Variants in DMXL1 observed in about 807,000 individuals in gnomAD.
The protein encoded by DMXL1 is Dmx like 1.
Under a neutral mutation model 319.2 loss-of-function variants are expected in DMXL1, and 99 were observed. The ratio of observed to expected loss-of-function variants is 0.31; its 90% CI spans 0.26 to 0.37. DMXL1 has a LOEUF of 0.37. Ranked by LOEUF, DMXL1 falls within the 10% of genes least tolerant of loss-of-function variation. DMXL1 has a pLI of 1.00. For missense variants in DMXL1, 3,745 were observed against 3,595.6 expected, an observed-to-expected ratio of 1.04 and a Z score of -1.06; for synonymous variants, 1,385 against 1,235.2, an observed-to-expected ratio of 1.12 and a Z score of -2.54.
At chr5:119,125,095 G>A (rs763317714) in intron 9 of DMXL1, among the ~76,000 whole-genome samples, 12 of 152,086 alleles carry the variant, frequency 7.9e-5, no homozygotes, top group Non-Finnish European at 1.2e-4. Context: ...ATCTGTTACT[G>A]TTAATAATAG....
intron 17 of DMXL1, among the ~76,000 whole-genome samples, chr5:119,147,789 A>T (rs188267615): frequency 6.6e-6 from 1 of 152,306 alleles, no homozygotes; most frequent in Admixed American, 6.5e-5. Context: ...GGTATTGGCA[A>T]TAGCTGCCTG....
chr5:119,129,315 A>G lies in DMXL1; in HGVS notation c.1207A>G (p.Thr403Ala). ...HWLNNKELHF[T>A]LSMEVFLQQL... ...GCTAAACAATAAAGAACTGCATTTTACTTTGTCCATGGAAGTTTTTTTACA... is the reference window on the plus strand; with the variant it reads ...GCTAAACAATAAAGAACTGCATTTTGCTTTGTCCATGGAAGTTTTTTTACA... The change falls in exon 10 of 44, where the codon ACT becomes GCT. Residue 403 changes from threonine (T) to alanine (A), a missense_variant. Thr to Ala is a moderately conservative substitution (Grantham distance 58). Transcript: ENST00000539542. 1 of 1,613,794 alleles carries G rather than the reference A, an allele frequency of 6.2e-7. No homozygotes were observed. Among genetic ancestry groups the G allele is most frequent in the Non-Finnish European group, 8.5e-7 (1 of 1,179,828 alleles).
chr5:119,208,205 C>G (rs141497525), intron 34 of DMXL1, among the ~76,000 whole-genome samples: 1 of 149,734 alleles, frequency 6.7e-6, no homozygotes, highest in African/African-American at 2.5e-5. Context: ...TACACATTAT[C>G]AGGAATTTTT....
At chr5:119,082,038 C>T (rs1284332209) in intron 1 of DMXL1, among the ~76,000 whole-genome samples, 11 of 148,014 alleles carry the variant, frequency 7.4e-5, no homozygotes, top group East Asian at 5.9e-4. Flanking sequence ...CACACACACA[C>T]ACACACACAC....
At chr5:119,120,151 G>A (rs1485568187) in intron 8 of DMXL1, among the ~76,000 whole-genome samples, 1 of 152,164 alleles carries the variant, frequency 6.6e-6, no homozygotes, top group Non-Finnish European at 1.5e-5. Context: ...TGACTGCCTT[G>A]GCCTCCCAAA....
chr5:119,084,443 G>C (rs1752890096), intron 1 of DMXL1, among the ~76,000 whole-genome samples: 1 of 152,114 alleles, frequency 6.6e-6, no homozygotes, highest in South Asian at 2.1e-4. Context: ...CGTTCTTTTT[G>C]CTTAAAATTG....
At chr5:119,167,143 T>C (rs1250929062) in intron 22 of DMXL1, among the ~76,000 whole-genome samples, 1 of 152,112 alleles carries the variant, frequency 6.6e-6, no homozygotes, top group African/African-American at 2.4e-5. Context: ...TGATTATTTC[T>C]TAGTAAACCT....
At chr5:119,116,466 A>C in intron 7 of DMXL1, 130 bp downstream of exon 7, 1 of 1,004,416 alleles carries the variant, frequency 1.0e-6, no homozygotes, top group Non-Finnish European at 1.5e-6. Context: ...GTAATATTAA[A>C]TCGTCTCTGG....
intron 1 of DMXL1, among the ~76,000 whole-genome samples, chr5:119,081,394 G>A (rs1311948781): frequency 6.6e-6 from 1 of 152,202 alleles, no homozygotes; most frequent in Non-Finnish European, 1.5e-5. Context: ...GATGCCATAT[G>A]TGTGCGAGGC....
intron 41 of DMXL1, among the ~76,000 whole-genome samples, chr5:119,239,774 G>A (rs538454285): frequency 2.2e-4 from 33 of 150,750 alleles, no homozygotes; most frequent in Non-Finnish European, 2.8e-4. Context: ...TGGGCAACAT[G>A]GTGAAACCCT....
rs144186037 is a variant in DMXL1, at chr5:119,139,463, C to T, written c.2377-4378C>T. On this transcript the variant is annotated intron_variant, in intron 13 of 43. Transcript: ENST00000539542. ...AAGTAAATGGAAATCAGAAAGAAGC[C>T]GGGTTGCCATCCTGATTTCAGACAA... Among the ~76,000 whole-genome samples, 1,045 of 152,106 alleles carry T rather than the reference C, an allele frequency of 6.9e-3. 6 individuals are homozygous for T. The highest frequency in any genetic ancestry group is 0.016 in the Admixed American group (251 of 15,276).
At chr5:119,182,611 A>G (rs1021956199) in intron 28 of DMXL1, among the ~76,000 whole-genome samples, 3 of 151,386 alleles carry the variant, frequency 2.0e-5, no homozygotes, top group African/African-American at 7.4e-5. Flanking sequence ...TAGTAACATA[A>G]TATTTAAAGA....
At chr5:119,187,557 G>A (rs1399010741) in intron 28 of DMXL1, among the ~76,000 whole-genome samples, 1 of 152,168 alleles carries the variant, frequency 6.6e-6, no homozygotes, top group Non-Finnish European at 1.5e-5. Context: ...TTACTGGGTG[G>A]CATCGCTAAG....
At chr5:119,164,471 T>C in intron 19 of DMXL1, 36 bp from the exon 20 acceptor site, 1 of 1,568,590 alleles carries the variant, frequency 6.4e-7, no homozygotes. Context: ...AGCATATTTA[T>C]AATTCTTATA....
In DMXL1 at chr5:119,121,020, T is replaced by C. The variant is rs139454410; in HGVS notation, c.983T>C (p.Val328Ala). The C allele has an allele frequency of 1.3e-5, 21 of 1,613,560 alleles. No homozygotes were observed. Among genetic ancestry groups the C allele is most frequent in the African/African-American group, 6.7e-5 (5 of 74,912 alleles). The change falls in exon 9 of 44, where the codon GTA (valine) becomes GCA (alanine). Residue 328 changes from valine (V) to alanine (A), a missense_variant. Physicochemically the swap from Val to Ala is moderately conservative, Grantham distance 64. Coordinates refer to ENST00000539542, the MANE Select transcript of DMXL1 (RefSeq NM_001290321.3). ...RRGRRRSLAL[V>A]AHTGYLPHQQ... is the part of the protein sequence containing the mutation. ...GGTCGGAGGAGATCACTTGCTCTTG[T>C]AGCACATACGGGATATCTACCACAT...
chr5:119,137,157 A>T (rs370712746), intron 13 of DMXL1, among the ~76,000 whole-genome samples: 28 of 152,376 alleles, frequency 1.8e-4, no homozygotes, highest in African/African-American at 6.7e-4. Flanking sequence ...CCCTGGATGC[A>T]AGACATGTAG....
Position 119,144,551 on chromosome 5 carries a change from C to G in DMXL1, c.2482C>G (p.Gln828Glu). The G allele has an allele frequency of 6.2e-7, 1 of 1,601,540 alleles. No individual in the cohort carries two copies. Among genetic ancestry groups the G allele is most frequent in the Non-Finnish European group, 8.5e-7 (1 of 1,175,778 alleles). The change falls in exon 15 of 44, where the codon CAA (glutamine) becomes GAA (glutamate). Residue 828 changes from glutamine to glutamate, a missense_variant. By Grantham distance (29) the Gln-to-Glu change is conservative. Around this residue, in one of 4 missense-constraint regions of DMXL1, gnomAD observed 2,096 missense variants for 1,985.4 expected, o/e 1.06. Transcript: ENST00000539542. ...TTATATTCAGCATGGCAGAAAAACC[C>G]AACTGCTTCATGTTTTTGAAGAAGA... ...PITKLHGRKT[Q>E]LLHVFEEDFI...
chr5:119,135,261 C>T (rs1765750454), intron 13 of DMXL1, among the ~76,000 whole-genome samples: 1 of 151,798 alleles, frequency 6.6e-6, no homozygotes, highest in East Asian at 1.9e-4. Context: ...TATCATAGAG[C>T]TTATATTCGG....
At position 119,085,256 on chromosome 5, in the gene DMXL1, G is replaced by A. The variant is rs187602716; in HGVS notation, c.88-12723G>A. 9.9e-5 allele frequency among the ~76,000 whole-genome samples: 15 copies of A among 151,988 alleles called. No homozygotes were observed. The East Asian group carries it at 1.7e-3, about 18-fold the overall frequency. ...TGAGGCGTGAGAATCGCTTGAACCC[G>A]GGAGGCAGAGGCTGCAGTGAACCAA... is the stretch of plus-strand genomic sequence containing the variant. On this transcript the variant is annotated intron_variant, in intron 1 of 43. Coordinates refer to ENST00000539542, the MANE Select transcript of DMXL1 (RefSeq NM_001290321.3).
Sources: gnomAD v4.1 joint callset for allele counts (sites outside exome capture counted in the v4.1 genomes callset) on GRCh38, gnomAD v4.1.1 for gene constraint, gnomAD v4.1.1 regional missense constraint, MANE v1.5 for transcripts, NCBI Gene and HGNC (gene_info 2026-07-23, HGNC 2026-07-21) for gene names.